The following RAPGEF2 variants were observed in gnomAD, a reference collection of about 807,000 sequenced individuals.
The protein encoded by RAPGEF2 is Rap guanine nucleotide exchange factor 2.
RAPGEF2 carries 54 observed loss-of-function variants against 186.7 expected under a neutral mutation model. The ratio of observed to expected loss-of-function variants is 0.29; its 90% CI spans 0.23 to 0.36. The LOEUF (loss-of-function observed/expected upper bound fraction) is 0.36, where lower values mean the gene tolerates loss of function less well. Among genes scored for constraint, RAPGEF2 ranks in the 10% least tolerant of loss-of-function variants. The pLI is 1.00. For synonymous variants in RAPGEF2, 712 were observed against 705.9 expected (o/e 1.01, Z -0.14); for missense variants, 1,532 against 2,045.0 (o/e 0.75, Z 4.84).
chr4:159,276,460 CTT>C (rs1758889591), intron 7 of RAPGEF2, among the ~76,000 whole-genome samples: 1 of 152,076 alleles, frequency 6.6e-6, no homozygotes, highest in Non-Finnish European at 1.5e-5. Flanking sequence ...ATAAAAATAA[CTT>C]AAAACAATTT....
intron 5 of RAPGEF2, among the ~76,000 whole-genome samples, chr4:159,240,579 C>T (rs1285075947): frequency 7.2e-5 from 11 of 151,814 alleles, no homozygotes; most frequent in East Asian, 1.9e-4. Context: ...GTGATCCACC[C>T]GCCTCGGCCT....
At chr4:159,221,566 A>G (rs1454386938) in intron 4 of RAPGEF2, among the ~76,000 whole-genome samples, 1 of 152,192 alleles carries the variant, frequency 6.6e-6, no homozygotes, top group African/African-American at 2.4e-5. Flanking sequence ...ATAATAATAT[A>G]AAAACTATCC....
intron 1 of RAPGEF2, among the ~76,000 whole-genome samples, chr4:159,139,941 A>G (rs893842769): frequency 7.9e-5 from 12 of 152,204 alleles, no homozygotes; most frequent in South Asian, 2.1e-4. Context: ...TAAGAGATAC[A>G]TTTTGAAAGG....
chr4:159,241,485 C>T (rs1016560273), intron 6 of RAPGEF2, 117 bp downstream of exon 6: 9 of 380,392 alleles, frequency 2.4e-5, no homozygotes, highest in South Asian at 2.7e-4. Context: ...TATATACACA[C>T]ACATTAAGTA....
chr4:159,204,758 T>C (rs1749796988), intron 3 of RAPGEF2, among the ~76,000 whole-genome samples: 1 of 152,194 alleles, frequency 6.6e-6, no homozygotes. Flanking sequence ...CCATTGTGGT[T>C]CCTAGCTCAA....
intron 1 of RAPGEF2, among the ~76,000 whole-genome samples, chr4:159,131,466 C>G (rs1334019567): frequency 7.2e-6 from 1 of 139,136 alleles, no homozygotes; most frequent in African/African-American, 2.7e-5. Context: ...TCAGCAGATA[C>G]TATGTTAAAG....
intron 7 of RAPGEF2, among the ~76,000 whole-genome samples, chr4:159,266,069 G>T (rs915068996): frequency 3.3e-5 from 5 of 152,060 alleles, no homozygotes; most frequent in Non-Finnish European, 1.5e-5. Flanking sequence ...TTCTGTTTTT[G>T]TTTTGTTTTT....
At chr4:159,176,206 G>A (rs866232804) in intron 1 of RAPGEF2, among the ~76,000 whole-genome samples, 1 of 152,162 alleles carries the variant, frequency 6.6e-6, no homozygotes, top group Non-Finnish European at 1.5e-5. Flanking sequence ...GGTACAAGAG[G>A]TTGTTGGTGT....
intron 7 of RAPGEF2, among the ~76,000 whole-genome samples, chr4:159,249,724 A>G (rs1178681285): frequency 2.6e-5 from 4 of 152,098 alleles, no homozygotes; most frequent in Non-Finnish European, 4.4e-5. Flanking sequence ...CTGATCAGGG[A>G]AAAACCTCCA....
At chr4:159,182,635 G>T (rs1747142237) in intron 1 of RAPGEF2, among the ~76,000 whole-genome samples, 1 of 151,852 alleles carries the variant, frequency 6.6e-6, no homozygotes, top group Non-Finnish European at 1.5e-5. Context: ...ACCTCAAATG[G>T]TCTGTCTACC....
chr4:159,199,887 T>A (rs1197568059), intron 3 of RAPGEF2, among the ~76,000 whole-genome samples: 4 of 152,210 alleles, frequency 2.6e-5, no homozygotes, highest in Non-Finnish European at 5.9e-5. Flanking sequence ...AATTGCAGCA[T>A]ATGAATCTAA....
chr4:159,242,044 T>C (rs955577160), intron 6 of RAPGEF2, among the ~76,000 whole-genome samples: 5 of 152,116 alleles, frequency 3.3e-5, no homozygotes, highest in Non-Finnish European at 7.4e-5. Flanking sequence ...CATTGTCATT[T>C]ATTTCATAAA....
At chr4:159,235,536 A>C (rs925406690) in intron 4 of RAPGEF2, among the ~76,000 whole-genome samples, 6 of 152,188 alleles carry the variant, frequency 3.9e-5, no homozygotes, top group South Asian at 2.1e-4. Context: ...CACTCTCTCA[A>C]AGTGTATTTG....
chr4:159,166,819 A>G (rs1745371081), intron 1 of RAPGEF2, among the ~76,000 whole-genome samples: 1 of 152,174 alleles, frequency 6.6e-6, no homozygotes, highest in African/African-American at 2.4e-5. Context: ...AGGGGTCCAA[A>G]AAGGTTTCTC....
intron 1 of RAPGEF2, among the ~76,000 whole-genome samples, chr4:159,111,487 A>G (rs141420111): frequency 0.01 from 1,558 of 152,358 alleles, 91 homozygotes; most frequent in Admixed American, 0.094. Flanking sequence ...GCCCCTTGGC[A>G]CCTTTCTGTT....
intron 4 of RAPGEF2, among the ~76,000 whole-genome samples, chr4:159,234,241 C>G (rs1379370896): frequency 6.6e-6 from 1 of 152,164 alleles, no homozygotes; most frequent in East Asian, 1.9e-4. Context: ...TTACCTACTT[C>G]TGATTTTTTG....
chr4:159,105,129 T>A lies in RAPGEF2; in HGVS notation c.69+898T>A, dbSNP rs558179559. On this transcript the variant is annotated intron_variant, in intron 1 of 29. Coordinates refer to ENST00000691494, the MANE Select transcript of RAPGEF2 (RefSeq NM_001394067.2). ...TTTTACTGGAGAGGGGGAAATTTTATAAAAATGTGGTAGCTTAATTTTCTC... is the reference window on the plus strand; with the variant it reads ...TTTTACTGGAGAGGGGGAAATTTTAAAAAAATGTGGTAGCTTAATTTTCTC... 2.6e-5 allele frequency among the ~76,000 whole-genome samples: 4 copies of A among 152,326 alleles called. No homozygotes were observed. The South Asian group carries it at 8.3e-4, about 32-fold the overall frequency.
intron 1 of RAPGEF2, among the ~76,000 whole-genome samples, chr4:159,170,948 A>G (rs1336352666): frequency 6.6e-6 from 1 of 152,094 alleles, no homozygotes; most frequent in African/African-American, 2.4e-5. Context: ...TCATTTATTG[A>G]AGAGACTCTT....
chr4:159,117,222 A>G (rs1010786628), intron 1 of RAPGEF2, among the ~76,000 whole-genome samples: 2 of 152,136 alleles, frequency 1.3e-5, no homozygotes, highest in African/African-American at 4.8e-5. Flanking sequence ...AATGTTTCTA[A>G]TCTTCATTCA....
Sources: allele counts gnomAD v4.1 joint callset (sites outside exome capture counted in the v4.1 genomes callset), GRCh38; gene constraint gnomAD v4.1.1; transcripts MANE v1.5; gene names NCBI Gene and HGNC (gene_info 2026-07-23, HGNC 2026-07-21).